CTNNA2: variants seen among roughly 807,000 people sequenced by gnomAD.
CTNNA2 encodes the protein catenin alpha-2.
A neutral mutation model predicts 101.0 loss-of-function variants in CTNNA2; 42 were observed. The observed-to-expected ratio is 0.42, with a 90% CI of 0.32 to 0.54. CTNNA2 has a LOEUF of 0.54. Among genes scored for constraint, CTNNA2 ranks in the 20% least tolerant of loss-of-function variants. CTNNA2 has a pLI of 0.14. For missense variants in CTNNA2, 871 were observed against 1,223.1 expected, an observed-to-expected ratio of 0.71 and a Z score of 4.29; for synonymous variants, 450 against 456.4, an observed-to-expected ratio of 0.99 and a Z score of 0.18.
chr2:80,470,314 T>C (rs746389713), intron 9 of CTNNA2, among the ~76,000 whole-genome samples: 7 of 152,154 alleles, frequency 4.6e-5, no homozygotes, highest in African/African-American at 1.7e-4. Context: ...TGCCCCCTTA[T>C]AGGGCAACAC....
chr2:80,488,632 T>C lies in CTNNA2; in HGVS notation c.1291-56350T>C, dbSNP rs113987008. Reference sequence around the variant, plus strand: ...GATAGCCACCTCTGAGTTCAGCTTGTTGTTATTCAGTTTCCATTCTAATAC... The same window carrying C: ...GATAGCCACCTCTGAGTTCAGCTTGCTGTTATTCAGTTTCCATTCTAATAC... On this transcript the variant is annotated intron_variant, in intron 9 of 18. Coordinates refer to ENST00000402739, the MANE Select transcript of CTNNA2 (RefSeq NM_001282597.3). Among the ~76,000 whole-genome samples the C allele has an allele frequency of 3.3e-3, 499 of 152,336 alleles. 2 individuals are homozygous for C. The highest frequency in any genetic ancestry group is 0.012 in the African/African-American group (488 of 41,578).
At chr2:79,466,072 C>T (rs916595356) in intron 4 of CTNNA2, among the ~76,000 whole-genome samples, 6 of 152,194 alleles carry the variant, frequency 3.9e-5, no homozygotes, top group South Asian at 2.1e-4. Context: ...GAGCATTAGC[C>T]GAAGCAGGGC....
At chr2:79,667,366 T>A (rs1022584950) in intron 2 of CTNNA2, among the ~76,000 whole-genome samples, 6 of 152,212 alleles carry the variant, frequency 3.9e-5, no homozygotes, top group African/African-American at 1.4e-4. Flanking sequence ...TGTGTCTTTG[T>A]ATTCATATTC....
chr2:79,485,249 T>G (rs148491022), intron 4 of CTNNA2, among the ~76,000 whole-genome samples: 180 of 152,308 alleles, frequency 1.2e-3, no homozygotes, highest in Non-Finnish European at 2.0e-3. Context: ...TTTCTTTAAT[T>G]TAAACAAATA....
At chr2:80,501,362 A>G (rs764231989) in intron 9 of CTNNA2, among the ~76,000 whole-genome samples, 4 of 152,220 alleles carry the variant, frequency 2.6e-5, no homozygotes, top group Admixed American at 6.5e-5. Flanking sequence ...GATAACTGAA[A>G]TGAGAAAAGC....
At chr2:80,630,259 A>T (rs1314834814) in intron 18 of CTNNA2, among the ~76,000 whole-genome samples, 3 of 152,224 alleles carry the variant, frequency 2.0e-5, no homozygotes, top group African/African-American at 7.2e-5. Flanking sequence ...TTTACAAACA[A>T]GAGTATTGAA....
At chr2:79,681,964 G>C (rs976415947) in intron 2 of CTNNA2, among the ~76,000 whole-genome samples, 8 of 152,130 alleles carry the variant, frequency 5.3e-5, no homozygotes, top group African/African-American at 1.9e-4. Flanking sequence ...CTACGAAGTG[G>C]AGTTACCATT....
chr2:79,407,129 T>A (rs1246211550), intron 4 of CTNNA2, among the ~76,000 whole-genome samples: 1 of 152,028 alleles, frequency 6.6e-6, no homozygotes, highest in African/African-American at 2.4e-5. Flanking sequence ...TTCAGGATGG[T>A]CAAGTTTGTA....
At chr2:80,631,385 A>G (rs1208353950) in intron 18 of CTNNA2, among the ~76,000 whole-genome samples, 1 of 145,142 alleles carries the variant, frequency 6.9e-6, no homozygotes, top group African/African-American at 2.6e-5. Context: ...TTTTTTAGCA[A>G]CACTATTATG....
intron 17 of CTNNA2, among the ~76,000 whole-genome samples, chr2:80,613,906 C>T (rs1426134242): frequency 6.6e-6 from 1 of 151,412 alleles, no homozygotes; most frequent in Non-Finnish European, 1.5e-5. Context: ...AGTTTGAGGG[C>T]ATTACTGCTT....
chr2:80,205,592 AG>A (rs1707483604), intron 7 of CTNNA2, among the ~76,000 whole-genome samples: 1 of 152,254 alleles, frequency 6.6e-6, no homozygotes, highest in South Asian at 2.1e-4. Flanking sequence ...TATTTCAATC[AG>A]CAAATGACCA....
At chr2:80,624,122 C>G (rs868842642) in intron 18 of CTNNA2, among the ~76,000 whole-genome samples, 37 of 152,032 alleles carry the variant, frequency 2.4e-4, no homozygotes, top group African/African-American at 8.9e-4. Context: ...CTAAGTTGTT[C>G]TACATCTTCC....
At chr2:79,549,688 A>G (rs1420667655) in intron 1 of CTNNA2, among the ~76,000 whole-genome samples, 1 of 152,162 alleles carries the variant, frequency 6.6e-6, no homozygotes, top group African/African-American at 2.4e-5. Context: ...TGGGATTACT[A>G]CTTGGTTAAG....
chr2:79,654,633 G>T lies in CTNNA2; in HGVS notation c.102+2975G>T, dbSNP rs115573124. Among the ~76,000 whole-genome samples the T allele has an allele frequency of 8.9e-3, 1,357 of 152,240 alleles. 15 individuals carry two copies. Among genetic ancestry groups the T allele is most frequent in the African/African-American group, 0.031 (1,293 of 41,550 alleles). On this transcript the variant is annotated intron_variant, in intron 2 of 18. Transcript: ENST00000402739. ...CTCCATCTTGACATCCTTAACCTAA[G>T]CACATCTGCAAATTCCCTTCTGCCA...
intron 2 of CTNNA2, among the ~76,000 whole-genome samples, chr2:79,743,307 G>A (rs554273816): frequency 2.0e-5 from 3 of 152,086 alleles, no homozygotes; most frequent in African/African-American, 4.8e-5. Flanking sequence ...GAGATAACAT[G>A]TTGCTCAAAA....
At chr2:79,441,947 C>T (rs1678782107) in intron 4 of CTNNA2, among the ~76,000 whole-genome samples, 1 of 152,178 alleles carries the variant, frequency 6.6e-6, no homozygotes, top group Non-Finnish European at 1.5e-5. Context: ...ATTCCCATAG[C>T]TTTCACATGA....
At chr2:80,612,251 T>C (rs1452420903) in intron 17 of CTNNA2, among the ~76,000 whole-genome samples, 1 of 151,558 alleles carries the variant, frequency 6.6e-6, no homozygotes, top group Non-Finnish European at 1.5e-5. Context: ...GGGTCAATTA[T>C]AGTAATTCTT....
chr2:79,670,390 A>C (rs978570826), intron 2 of CTNNA2, among the ~76,000 whole-genome samples: 11 of 152,294 alleles, frequency 7.2e-5, no homozygotes, highest in African/African-American at 2.6e-4. Flanking sequence ...TCCGTGGAAC[A>C]AAAGACCTGG....
chr2:80,558,182 A>G (rs1216517180), intron 12 of CTNNA2, among the ~76,000 whole-genome samples: 1 of 152,218 alleles, frequency 6.6e-6, no homozygotes, highest in East Asian at 1.9e-4. Flanking sequence ...GTGTCAGTGG[A>G]CTAAGAGCTA....
Sources: gnomAD v4.1 joint callset for allele counts (sites outside exome capture counted in the v4.1 genomes callset) on GRCh38, gnomAD v4.1.1 for gene constraint, MANE v1.5 for transcripts, NCBI Gene and HGNC (gene_info 2026-07-23, HGNC 2026-07-21) for gene names.